The following FNDC3A variants were observed in gnomAD, a reference collection of about 807,000 sequenced individuals.
FNDC3A encodes fibronectin type-III domain-containing protein 3A.
In FNDC3A, 32 loss-of-function variants were observed where a neutral mutation model predicts 148.9. That is an observed-to-expected ratio of 0.21 (90% CI 0.16 to 0.29). The LOEUF is 0.29. Ranked by LOEUF, FNDC3A falls within the 10% of genes least tolerant of loss-of-function variation. FNDC3A has a pLI of 1.00. For synonymous variants in FNDC3A, 472 were observed against 473.6 expected, an observed-to-expected ratio of 1.00 and a Z score of 0.04; for missense variants, 1,191 against 1,452.8, an observed-to-expected ratio of 0.82 and a Z score of 2.93.
chr13:49,071,808 A>AT (rs1378903215), intron 2 of FNDC3A, among the ~76,000 whole-genome samples: 1 of 151,340 alleles, frequency 6.6e-6, no homozygotes, highest in Non-Finnish European at 1.5e-5. Context: ...TAGTTTGCAG[A>AT]TATTTTCTCC....
chr13:49,168,678 G>A lies in FNDC3A; in HGVS notation c.1103G>A (p.Ser368Asn). The A allele has an allele frequency of 6.2e-7, 1 of 1,612,754 alleles. No individual in the cohort carries two copies. The highest frequency in any genetic ancestry group is 8.5e-7 in the Non-Finnish European group (1 of 1,178,854). ...GAGGCTGAAATCTTTACCACCTTGAGCTGTGAACCTGATATACCTAATCCA... is the reference window on the plus strand; with the variant it reads ...GAGGCTGAAATCTTTACCACCTTGAACTGTGAACCTGATATACCTAATCCA... ...PSEAEIFTTLSCEPDIPNPPR... is the reference protein window; with the variant it reads ...PSEAEIFTTLNCEPDIPNPPR... Residue 368 changes from serine to asparagine, a missense_variant, in exon 10 of 26, where the codon AGC (serine) becomes AAC (asparagine). By Grantham distance (46) the Ser-to-Asn change is conservative. This residue lies in a region of FNDC3A where 426 missense variants were observed against 473.2 expected (regional missense o/e 0.90). Coordinates refer to ENST00000492622, the MANE Select transcript of FNDC3A (RefSeq NM_001079673.2).
intron 2 of FNDC3A, among the ~76,000 whole-genome samples, chr13:49,021,355 G>T (rs1873313408): frequency 6.6e-6 from 1 of 152,156 alleles, no homozygotes; most frequent in Non-Finnish European, 1.5e-5. Flanking sequence ...CTCCCCAGGG[G>T]GAAAGCTATT....
chr13:49,029,902 A>G (rs949563421), intron 2 of FNDC3A, among the ~76,000 whole-genome samples: 7 of 152,214 alleles, frequency 4.6e-5, no homozygotes, highest in African/African-American at 1.4e-4. Context: ...ACCAAAACCG[A>G]ATCAAGAAAA....
At chr13:49,152,511 TG>T (rs1195307954) in intron 8 of FNDC3A, among the ~76,000 whole-genome samples, 41 of 144,166 alleles carry the variant, frequency 2.8e-4, no homozygotes, top group African/African-American at 9.1e-4. Flanking sequence ...AAAAATTGTT[TG>T]GTTTTTTTTT....
intron 8 of FNDC3A, 140 bp downstream of exon 8, chr13:49,146,075 A>T: frequency 3.3e-6 from 2 of 606,838 alleles, no homozygotes; most frequent in Non-Finnish European, 5.6e-6. Context: ...AGTGATTTCA[A>T]TGTAAATGGT....
At chr13:49,014,244 T>TC (rs1429191937) in intron 2 of FNDC3A, among the ~76,000 whole-genome samples, 8 of 89,166 alleles carry the variant, frequency 9.0e-5, no homozygotes, top group Non-Finnish European at 4.6e-5. Flanking sequence ...TTTCTCCACA[T>TC]CCTCTCCAGC....
intron 2 of FNDC3A, among the ~76,000 whole-genome samples, chr13:49,015,199 AT>A (rs1952468898): frequency 6.6e-6 from 1 of 152,110 alleles, no homozygotes; most frequent in Non-Finnish European, 1.5e-5. Flanking sequence ...CAGTATGGCC[AT>A]TTTCACGATA....
intron 2 of FNDC3A, among the ~76,000 whole-genome samples, chr13:49,041,703 CGGGAGGGTAAGGCAG>C (rs1303522109): frequency 6.6e-6 from 1 of 150,594 alleles, no homozygotes; most frequent in Non-Finnish European, 1.5e-5. Context: ...CCCAGCTACT[CGGGAGGGTAAGGCAG>C]GAGATTTGCT....
chr13:49,112,501 A>T (rs2137870712), intron 3 of FNDC3A, among the ~76,000 whole-genome samples: 2 of 152,334 alleles, frequency 1.3e-5, no homozygotes, highest in East Asian at 3.9e-4. Flanking sequence ...TAAACTTAAG[A>T]AAATTTTATT....
At chr13:49,073,190 T>G (rs935543536) in intron 2 of FNDC3A, among the ~76,000 whole-genome samples, 3 of 152,056 alleles carry the variant, frequency 2.0e-5, no homozygotes, top group African/African-American at 4.8e-5. Flanking sequence ...ATAAAGAATT[T>G]AGTAAAGAAA....
rs542529398 is a variant in FNDC3A at position 49,076,040 on chromosome 13, T to C, written c.175+676T>C. Among the ~76,000 whole-genome samples the C allele has an allele frequency of 2.8e-4, 43 of 152,178 alleles. No homozygotes were observed. The South Asian group carries it at 8.7e-3, about 31-fold the overall frequency. ...CCACTCACCCTCACTTATTCATTTA[T>C]GACAAACAGAAAAGTCTCTGGATAT... On this transcript the variant is annotated intron_variant, in intron 3 of 25. Coordinates refer to ENST00000492622, the MANE Select transcript of FNDC3A (RefSeq NM_001079673.2).
chr13:49,208,134 T>C lies in FNDC3A; in HGVS notation c.*739T>C, dbSNP rs1886739148. On this transcript the variant is annotated 3_prime_UTR_variant, in exon 26 of 26. Transcript: ENST00000492622. ...AAGAATTGAGTGCTTTTAAATACTT[T>C]TTAGAAAGTAATCATAAAAGTAAAT... The C allele has an allele frequency of 6.6e-6, 1 of 152,214 alleles. No individual in the cohort carries two copies. Among genetic ancestry groups the C allele is most frequent in the African/African-American group, 2.4e-5 (1 of 41,454 alleles). 9.4% of individuals were successfully genotyped at this position (152,214 alleles called of 1,614,324 possible).
At chr13:49,019,868 T>G (rs907169094) in intron 2 of FNDC3A, among the ~76,000 whole-genome samples, 1 of 152,212 alleles carries the variant, frequency 6.6e-6, no homozygotes, top group African/African-American at 2.4e-5. Flanking sequence ...TGTTTCTTAT[T>G]CTTTGGTTAA....
chr13:49,002,014 T>A (rs192459515), intron 1 of FNDC3A, among the ~76,000 whole-genome samples: 82 of 152,304 alleles, frequency 5.4e-4, no homozygotes, highest in African/African-American at 1.6e-3. Flanking sequence ...CCTGCGGACA[T>A]GTCTCCCCCA....
At chr13:48,976,551 C>T (rs1951603469) in intron 1 of FNDC3A, 2 of 152,422 alleles carry the variant, frequency 1.3e-5, no homozygotes, top group African/African-American at 2.4e-5. Flanking sequence ...CCCGCCTCCT[C>T]CCCGCGGCGA....
chr13:49,083,965 T>G (rs942405921), intron 3 of FNDC3A, among the ~76,000 whole-genome samples: 1 of 152,232 alleles, frequency 6.6e-6, no homozygotes. Context: ...CTTCTGGGAA[T>G]GAGGACTCTG....
chr13:49,158,128 C>G (rs992708440), intron 8 of FNDC3A, among the ~76,000 whole-genome samples: 1 of 152,218 alleles, frequency 6.6e-6, no homozygotes, highest in Admixed American at 6.5e-5. Context: ...GCCTCGCTGT[C>G]GCCTTGCAGT....
chr13:49,184,876 A>G (rs1885487558), intron 14 of FNDC3A, among the ~76,000 whole-genome samples: 1 of 151,722 alleles, frequency 6.6e-6, no homozygotes, highest in African/African-American at 2.4e-5. Flanking sequence ...TGGCACCTAG[A>G]TAAGGGCTTA....
At chr13:48,996,340 G>A (rs1952023755) in intron 1 of FNDC3A, among the ~76,000 whole-genome samples, 1 of 152,142 alleles carries the variant, frequency 6.6e-6, no homozygotes, top group Non-Finnish European at 1.5e-5. Flanking sequence ...ACTCTTTGGA[G>A]TACAGTCAGC....
Sources: gnomAD v4.1 joint callset for allele counts (sites outside exome capture counted in the v4.1 genomes callset) on GRCh38, gnomAD v4.1.1 for gene constraint, gnomAD v4.1.1 regional missense constraint, MANE v1.5 for transcripts, NCBI Gene and HGNC (gene_info 2026-07-23, HGNC 2026-07-21) for gene names.